NPIPB6: variants seen among roughly 807,000 people sequenced by gnomAD.
NPIPB6 encodes the protein nuclear pore complex-interacting protein family member B6.
NPIPB6 carries 2 observed loss-of-function variants against 20.0 expected under a neutral mutation model. The ratio of observed to expected loss-of-function variants is 0.10; its 90% confidence interval spans 0.04 to 0.31. The LOEUF (loss-of-function observed/expected upper bound fraction) is 0.31, where lower values mean the gene tolerates loss of function less well. Ranked by LOEUF, NPIPB6 falls within the 10% of genes least tolerant of loss-of-function variation. NPIPB6 has a pLI of 1.00. For missense variants in NPIPB6, 96 were observed against 293.7 expected (o/e 0.33, Z 4.92); for synonymous variants, 35 against 116.3 (o/e 0.30, Z 4.50).
chr16:28,362,450 TG>T (rs1309160166), intron 1 of NPIPB6, among the ~76,000 whole-genome samples: 1 of 151,712 alleles, frequency 6.6e-6, no homozygotes. Flanking sequence ...GGCACTTGTC[TG>T]GTTGTTTTTC....
At chr16:28,361,770 ATGTGTGTGTGTGTGTG>A (rs1462242029) in intron 1 of NPIPB6, among the ~76,000 whole-genome samples, 19 of 72,760 alleles carry the variant, frequency 2.6e-4, no homozygotes, top group Admixed American at 7.5e-4. Context: ...GTGTGTGTGT[ATGTGTGTGTGTGTGTG>A]TATCTATATA....
At chr16:28,361,766 GTGTA>G (rs1263423928) in intron 1 of NPIPB6, among the ~76,000 whole-genome samples, 7,070 of 52,294 alleles carry the variant, frequency 0.14, 117 homozygotes, top group Non-Finnish European at 0.15. Flanking sequence ...GTGTGTGTGT[GTGTA>G]TGTGTGTGTG....
chr16:28,348,200 G>C (rs2045132905), intron 4 of NPIPB6, among the ~76,000 whole-genome samples: 1 of 114,582 alleles, frequency 8.7e-6, no homozygotes, highest in African/African-American at 3.0e-5. Flanking sequence ...CTTCAAACTG[G>C]GAGGCAGAGG....
rs1394416896 is a variant in NPIPB6, at chr16:28,355,833, A to C, written c.121-2772T>G. The stretch of plus-strand genomic sequence containing the variant: ...TTATGCTGGTGTAAGTACTTTCCAA[A>C]GTTAGTAAACTTACACTTAAGGGTA... On this transcript the variant is annotated intron_variant, in intron 1 of 6. Coordinates refer to ENST00000532254, the Ensembl canonical transcript of NPIPB6. 2.4e-5 allele frequency among the ~76,000 whole-genome samples: 3 copies of C among 122,562 alleles called. 1 individual carries two copies. The highest frequency in any genetic ancestry group is 8.5e-5 in the African/African-American group (3 of 35,404). The allele number at this position is 122,562 out of a possible 152,430, so 80.4% of individuals were successfully genotyped here.
chr16:28,350,430 C>CAAA (rs2045203655), intron 2 of NPIPB6, among the ~76,000 whole-genome samples: 1 of 77,634 alleles, frequency 1.3e-5, no homozygotes, highest in Admixed American at 1.7e-4. Context: ...CTGCTCTACT[C>CAAA]AGAGTTCACT....
intron 1 of NPIPB6, among the ~76,000 whole-genome samples, chr16:28,361,760 GTGTGTGTGTA>G (rs763995583): frequency 0.2 from 15,771 of 80,116 alleles, 582 homozygotes; most frequent in Non-Finnish European, 0.23. Flanking sequence ...GTGTGTGTGT[GTGTGTGTGTA>G]TGTGTGTGTG....
intron 4 of NPIPB6, among the ~76,000 whole-genome samples, chr16:28,348,109 C>CAAAAAA (rs57988390): frequency 6.4e-5 from 4 of 62,982 alleles, no homozygotes; most frequent in African/African-American, 2.4e-4. Context: ...GACTCTGTCT[C>CAAAAAA]AAAAAAAAAA....
chr16:28,355,235 T>G (rs1428998705), intron 1 of NPIPB6, among the ~76,000 whole-genome samples: 69 of 122,198 alleles, frequency 5.6e-4, no homozygotes, highest in African/African-American at 1.4e-3. Flanking sequence ...TTCAACAGGT[T>G]GAACTCAGCA....
chr16:28,342,563 G>C, exon 7 of NPIPB6: 1 of 1,190,052 alleles, frequency 8.4e-7, no homozygotes, highest in Non-Finnish European at 1.2e-6. Context: ...TGTTTTTGGA[G>C]CGTGGGTTTT....
At chr16:28,360,595 C>A (rs1307625496) in intron 1 of NPIPB6, among the ~76,000 whole-genome samples, 6 of 139,500 alleles carry the variant, frequency 4.3e-5, no homozygotes, top group Non-Finnish European at 1.0e-4. Context: ...CCACAGTCTC[C>A]CATGCAGGCT....
intron 4 of NPIPB6, among the ~76,000 whole-genome samples, chr16:28,348,574 GAA>G (rs1327389119): frequency 9.4e-6 from 1 of 106,890 alleles, no homozygotes; most frequent in African/African-American, 3.2e-5. Flanking sequence ...TCCATCTCAG[GAA>G]AAAAAAAAAG....
At chr16:28,349,546 G>C (rs1164645500) in intron 2 of NPIPB6, among the ~76,000 whole-genome samples, 43 of 81,924 alleles carry the variant, frequency 5.2e-4, no homozygotes, top group East Asian at 1.1e-3. Context: ...ATGAGACTCT[G>C]TCACACACAC....
At chr16:28,350,219 A>G (rs796480162) in intron 2 of NPIPB6, among the ~76,000 whole-genome samples, 1 of 107,524 alleles carries the variant, frequency 9.3e-6, no homozygotes, top group African/African-American at 3.1e-5. Context: ...AAAAAATGAC[A>G]TGAATATACT....
chr16:28,348,040 G>A (rs2045126237), intron 4 of NPIPB6, among the ~76,000 whole-genome samples: 1 of 118,896 alleles, frequency 8.4e-6, no homozygotes, highest in East Asian at 2.2e-4. Context: ...AACCTGGGAG[G>A]TGGAGGTTGC....
At chr16:28,345,565 G>T (rs1335598294) in intron 4 of NPIPB6, among the ~76,000 whole-genome samples, 1 of 34,852 alleles carries the variant, frequency 2.9e-5, no homozygotes, top group East Asian at 9.9e-4. Flanking sequence ...GTCAGGAGCC[G>T]TTTTGCTACT....
chr16:28,359,143 G>A (rs2045372597), intron 1 of NPIPB6, among the ~76,000 whole-genome samples: 1 of 139,784 alleles, frequency 7.2e-6, no homozygotes, highest in Non-Finnish European at 1.5e-5. Flanking sequence ...TGTAAAAGGA[G>A]AGACCAAGTA....
intron 2 of NPIPB6, among the ~76,000 whole-genome samples, chr16:28,349,547 TCACA>T (rs71225064): frequency 0.05 from 2,856 of 57,280 alleles, 27 homozygotes; most frequent in Middle Eastern, 0.12. Flanking sequence ...TGAGACTCTG[TCACA>T]CACACACACA....
At chr16:28,355,787 A>T (rs1307733543) in intron 1 of NPIPB6, among the ~76,000 whole-genome samples, 1 of 124,938 alleles carries the variant, frequency 8.0e-6, no homozygotes, top group Non-Finnish European at 1.8e-5. Context: ...AAAATAATGT[A>T]GATCTTGAAA....
intron 1 of NPIPB6, among the ~76,000 whole-genome samples, chr16:28,361,923 TGAA>T (rs1383614305): frequency 4.6e-5 from 7 of 151,376 alleles, no homozygotes; most frequent in Admixed American, 3.3e-4. Context: ...TCAAAACAAA[TGAA>T]GGAGAATAAA....
Sources: allele counts gnomAD v4.1 joint callset (sites outside exome capture counted in the v4.1 genomes callset), GRCh38; gene constraint gnomAD v4.1.1; transcripts MANE v1.5; gene names NCBI Gene and HGNC (gene_info 2026-07-23, HGNC 2026-07-21).